FGFR2: variants seen among roughly 807,000 people sequenced by gnomAD.
The protein encoded by FGFR2 is fibroblast growth factor receptor 2.
In FGFR2, 19 loss-of-function variants were observed where a neutral mutation model predicts 95.9. That is an observed-to-expected ratio of 0.20 (90% CI 0.14 to 0.29). The LOEUF (loss-of-function observed/expected upper bound fraction) is 0.29. FGFR2 is among the 10% of genes least tolerant of loss of function. FGFR2 has a pLI of 1.00. For synonymous variants in FGFR2, 392 were observed against 393.3 expected, an observed-to-expected ratio of 1.00 and a Z score of 0.04; for missense variants, 707 against 1,056.9, an observed-to-expected ratio of 0.67 and a Z score of 4.59.
intron 2 of FGFR2, among the ~76,000 whole-genome samples, chr10:121,572,878 A>T (rs748080666): frequency 6.6e-6 from 1 of 152,216 alleles, no homozygotes; most frequent in African/African-American, 2.4e-5. Context: ...TTACCTCTCT[A>T]TAAGTAAACA....
intron 4 of FGFR2, among the ~76,000 whole-genome samples, chr10:121,556,021 G>C (rs1029089736): frequency 1.3e-5 from 2 of 152,122 alleles, no homozygotes; most frequent in Admixed American, 1.3e-4. Flanking sequence ...TACTCCTTCT[G>C]ATGCTGACCA....
chr10:121,586,148 T>G (rs1861795541), intron 2 of FGFR2, among the ~76,000 whole-genome samples: 1 of 152,190 alleles, frequency 6.6e-6, no homozygotes, highest in South Asian at 2.1e-4. Context: ...CTGTCAGGTA[T>G]ACAAATGGGT....
At chr10:121,512,536 C>T (rs1316748080) in intron 9 of FGFR2, among the ~76,000 whole-genome samples, 2 of 151,764 alleles carry the variant, frequency 1.3e-5, no homozygotes, top group Non-Finnish European at 2.9e-5. Context: ...TCTTTTTTTT[C>T]CCACTTTGGG....
chr10:121,532,107 G>A (rs373904910), intron 6 of FGFR2, among the ~76,000 whole-genome samples: 1 of 152,140 alleles, frequency 6.6e-6, no homozygotes, highest in African/African-American at 2.4e-5. Flanking sequence ...TACACTCAGA[G>A]CAAGAAATGG....
intron 17 of FGFR2, 32 bp from the exon 18 acceptor site, chr10:121,480,053 A>C (rs1844468876): frequency 6.3e-7 from 1 of 1,593,724 alleles, no homozygotes; most frequent in Non-Finnish European, 8.6e-7. Context: ...GTTTTATTTC[A>C]TCTTGGGTCA....
chr10:121,519,004 C>T (rs1850114041), intron 7 of FGFR2, among the ~76,000 whole-genome samples: 1 of 152,148 alleles, frequency 6.6e-6, no homozygotes, highest in Non-Finnish European at 1.5e-5. Context: ...AACGGAAAGA[C>T]CTGGTGGAGA....
At chr10:121,510,381 G>C (rs1347289516) in intron 9 of FGFR2, among the ~76,000 whole-genome samples, 2 of 152,184 alleles carry the variant, frequency 1.3e-5, no homozygotes, top group South Asian at 4.1e-4. Flanking sequence ...AGGGAGCAGC[G>C]AAATAGGGGC....
At chr10:121,597,941 G>A (rs995862710) in intron 1 of FGFR2, 21 bp downstream of exon 1, 15 of 391,632 alleles carry the variant, frequency 3.8e-5, no homozygotes, top group Non-Finnish European at 6.8e-5. Flanking sequence ...AGCTCCCCGA[G>A]GCGTCTTGCG....
intron 2 of FGFR2, among the ~76,000 whole-genome samples, chr10:121,591,895 G>A (rs750994162): frequency 2.0e-5 from 3 of 152,086 alleles, no homozygotes; most frequent in Non-Finnish European, 2.9e-5. Context: ...AGACTCACTC[G>A]GGGAACTTCG....
At chr10:121,597,319 G>T (rs905274225) in intron 1 of FGFR2, among the ~76,000 whole-genome samples, 3 of 152,254 alleles carry the variant, frequency 2.0e-5, no homozygotes, top group African/African-American at 7.2e-5. Flanking sequence ...CGGCAGAGCA[G>T]GCAGGCGAAC....
intron 9 of FGFR2, among the ~76,000 whole-genome samples, chr10:121,509,996 C>T (rs377462218): frequency 1.3e-5 from 2 of 152,136 alleles, no homozygotes; most frequent in African/African-American, 2.4e-5. Flanking sequence ...CACAAGAACA[C>T]GAGGCTGGCA....
At chr10:121,586,420 C>A (rs1324340780) in intron 2 of FGFR2, among the ~76,000 whole-genome samples, 1 of 152,204 alleles carries the variant, frequency 6.6e-6, no homozygotes, top group African/African-American at 2.4e-5. Context: ...TTGGAATTTA[C>A]CATTCTTTAG....
At chr10:121,506,275 T>C (rs929310397) in intron 9 of FGFR2, among the ~76,000 whole-genome samples, 7 of 142,352 alleles carry the variant, frequency 4.9e-5, no homozygotes, top group African/African-American at 1.8e-4. Context: ...GGAGAATCGC[T>C]TAAACCCAGG....
intron 6 of FGFR2, among the ~76,000 whole-genome samples, chr10:121,535,599 T>C: frequency 6.6e-6 from 1 of 152,174 alleles, no homozygotes; most frequent in African/African-American, 2.4e-5. Context: ...TGATGAACGA[T>C]GGTGAAGGCT....
intron 4 of FGFR2, among the ~76,000 whole-genome samples, chr10:121,562,363 C>T (rs561284510): frequency 1.3e-5 from 2 of 151,924 alleles, no homozygotes; most frequent in South Asian, 2.1e-4. Context: ...CGACTCACTG[C>T]AACCTCCGCA....
At position 121,536,047 on chromosome 10, in the gene FGFR2, CAG is replaced by C. The variant is rs144301781; in HGVS notation, c.748+2543_748+2544del. Reference sequence around the variant, plus strand: ...AAAGGGTTTCTGATTTTCTGTGAAACAGAGAGGTGGCTGAAAAGCTGTTATCA... The same window carrying C: ...AAAGGGTTTCTGATTTTCTGTGAAACAGAGGTGGCTGAAAAGCTGTTATCA... On this transcript the variant is annotated intron_variant, in intron 6 of 17. Transcript: ENST00000358487. 8.8e-4 allele frequency among the ~76,000 whole-genome samples: 134 copies of C among 152,320 alleles called. No individual in the cohort carries two copies. The East Asian group carries it at 0.024, about 27-fold the overall frequency.
At chr10:121,497,590 G>C (rs1164352128) in intron 12 of FGFR2, among the ~76,000 whole-genome samples, 1 of 152,086 alleles carries the variant, frequency 6.6e-6, no homozygotes, top group Admixed American at 6.5e-5. Flanking sequence ...CCAGGTTTCA[G>C]CCATAACAAA....
intron 2 of FGFR2, among the ~76,000 whole-genome samples, chr10:121,582,931 T>G (rs759850127): frequency 6.6e-5 from 10 of 152,194 alleles, no homozygotes; most frequent in Admixed American, 2.0e-4. Context: ...CCAGCCTCGA[T>G]TCACCTACAC....
intron 17 of FGFR2, chr10:121,480,275 T>C (rs542425308): frequency 1.8e-6 from 1 of 544,648 alleles, no homozygotes; most frequent in South Asian, 1.9e-5. Flanking sequence ...TACCCCAGGC[T>C]GTCCTTAGCT....
Sources: allele counts gnomAD v4.1 joint callset (sites outside exome capture counted in the v4.1 genomes callset), GRCh38; gene constraint gnomAD v4.1.1; transcripts MANE v1.5; gene names NCBI Gene and HGNC (gene_info 2026-07-23, HGNC 2026-07-21).